GNAI3: variants seen among roughly 807,000 people sequenced by gnomAD.
GNAI3 encodes the protein guanine nucleotide-binding protein G(i) subunit alpha-3.
In GNAI3, 12 loss-of-function variants were observed where a neutral mutation model predicts 41.8. The ratio of observed to expected loss-of-function variants is 0.29; its 90% CI spans 0.18 to 0.47. The LOEUF (loss-of-function observed/expected upper bound fraction) is 0.47. Among genes scored for constraint, GNAI3 ranks in the 20% least tolerant of loss-of-function variants. The pLI, the probability that GNAI3 is intolerant of heterozygous loss-of-function variation, is 1.00. For missense variants in GNAI3, 360 were observed against 429.6 expected (o/e 0.84, Z 1.43); for synonymous variants, 132 against 146.5 (o/e 0.90, Z 0.71).
intron 1 of GNAI3, among the ~76,000 whole-genome samples, chr1:109,554,283 T>C (rs1340825290): frequency 1.3e-5 from 2 of 152,226 alleles, no homozygotes; most frequent in Non-Finnish European, 2.9e-5. Flanking sequence ...AGATATACTT[T>C]TAGTTCTTTA....
At chr1:109,553,687 CTTTTA>C (rs920949026) in intron 1 of GNAI3, among the ~76,000 whole-genome samples, 1 of 152,054 alleles carries the variant, frequency 6.6e-6, no homozygotes, top group Admixed American at 6.5e-5. Flanking sequence ...TTCTTTGTGT[CTTTTA>C]TTTAAATGCA....
In GNAI3 at chr1:109,595,147, G is replaced by T. The variant is rs1321921451; in HGVS notation, c.*2825G>T. ...TTCCTCTGAAGAATGCTGGAGATTT[G>T]TGATGGATAATGTTTCAGAATTCAG... On this transcript the variant is annotated 3_prime_UTR_variant, in exon 9 of 9. Transcript: ENST00000369851. 1 of 152,214 alleles carries T rather than the reference G, an allele frequency of 6.6e-6. No homozygotes were observed. Among genetic ancestry groups the T allele is most frequent in the East Asian group, 1.9e-4 (1 of 5,198 alleles). 9.4% of individuals were successfully genotyped at this position (152,214 alleles called of 1,614,324 possible).
At chr1:109,589,958 CTGTTA>C (rs1649127693) in intron 7 of GNAI3, among the ~76,000 whole-genome samples, 1 of 152,132 alleles carries the variant, frequency 6.6e-6, no homozygotes, top group African/African-American at 2.4e-5. Context: ...GGTTAAATAT[CTGTTA>C]TGTTAATTTT....
rs909852636 is a variant in GNAI3 at position 109,595,476 on chromosome 1, T to G, written c.*3154T>G. 1 of 152,170 alleles carries G rather than the reference T, an allele frequency of 6.6e-6. No individual in the cohort carries two copies. The highest frequency in any genetic ancestry group is 2.4e-5 in the African/African-American group (1 of 41,436). The allele number at this position is 152,170 out of a possible 1,614,324, so 9.4% of individuals were successfully genotyped here. A position where few individuals can be genotyped will look rare whatever the true frequency, so the allele number is the denominator to read the frequency against. On this transcript the variant is annotated 3_prime_UTR_variant, in exon 9 of 9. Coordinates refer to ENST00000369851, the MANE Select transcript of GNAI3 (RefSeq NM_006496.4). ...AATGTAAGACTAGATGGACCAAAAT[T>G]TTAAAAAAAACTTCTTGCCTTGTTT...
intron 1 of GNAI3, among the ~76,000 whole-genome samples, chr1:109,559,699 A>T (rs1348462097): frequency 2.0e-5 from 3 of 152,220 alleles, no homozygotes; most frequent in Non-Finnish European, 4.4e-5. Context: ...GAAATCACTC[A>T]GTATTTGACT....
intron 1 of GNAI3, among the ~76,000 whole-genome samples, chr1:109,562,302 T>G (rs1268531689): frequency 6.6e-6 from 1 of 152,194 alleles, no homozygotes; most frequent in Non-Finnish European, 1.5e-5. Flanking sequence ...GGATTTAAAC[T>G]GTACAGCAGA....
intron 3 of GNAI3, among the ~76,000 whole-genome samples, chr1:109,574,925 A>G (rs545501454): frequency 3.9e-5 from 6 of 152,342 alleles, no homozygotes; most frequent in East Asian, 3.9e-4. Context: ...CTCCCAACTT[A>G]TCAAATGCGA....
intron 4 of GNAI3, among the ~76,000 whole-genome samples, chr1:109,580,155 C>A (rs1483599234): frequency 2.6e-5 from 4 of 152,168 alleles, no homozygotes; most frequent in Admixed American, 2.6e-4. Context: ...GCGCCCGCCA[C>A]CATGCCCGGC....
At chr1:109,573,342 G>A (rs748360062) in intron 1 of GNAI3, among the ~76,000 whole-genome samples, 2 of 152,126 alleles carry the variant, frequency 1.3e-5, no homozygotes, top group African/African-American at 2.4e-5. Flanking sequence ...GGTATAGGCA[G>A]GCAGCAACAG....
At chr1:109,551,201 T>C (rs911970779) in intron 1 of GNAI3, among the ~76,000 whole-genome samples, 3 of 152,228 alleles carry the variant, frequency 2.0e-5, no homozygotes, top group Non-Finnish European at 4.4e-5. Context: ...TTTTAAAATA[T>C]TCTTGAGCAA....
At position 109,548,807 on chromosome 1, in the gene GNAI3, A is replaced by G. The variant is rs1195949191; in HGVS notation, c.87A>G (p.Lys29=). ...IDRNLREDGE[K]AAKEVKLLLL... is the part of the protein sequence containing the mutation. Reference sequence around the variant, plus strand: ...GCAACTTACGGGAGGACGGGGAAAAAGCGGCCAAAGAAGTGAAGCTGCTGC... The same window carrying G: ...GCAACTTACGGGAGGACGGGGAAAAGGCGGCCAAAGAAGTGAAGCTGCTGC... Residue 29 remains lysine, a synonymous_variant, in exon 1 of 9, where the codon AAA becomes AAG. Coordinates refer to ENST00000369851, the MANE Select transcript of GNAI3 (RefSeq NM_006496.4). The G allele has an allele frequency of 2.5e-6, 4 of 1,611,196 alleles. No individual in the cohort carries two copies. In the South Asian group the frequency reaches 3.3e-5, roughly 13 times the overall value.
At chr1:109,552,969 A>G (rs982118153) in intron 1 of GNAI3, among the ~76,000 whole-genome samples, 1 of 152,218 alleles carries the variant, frequency 6.6e-6, no homozygotes, top group Non-Finnish European at 1.5e-5. Context: ...ATTTTTACAT[A>G]TGTAAAGCAG....
Position 109,592,138 on chromosome 1 carries a change from A to C in GNAI3, c.970A>C (p.Thr324Pro). 6.2e-7 allele frequency: 1 copy of C among 1,611,978 alleles called. No homozygotes were observed. Among genetic ancestry groups the C allele is most frequent in the Non-Finnish European group, 8.5e-7 (1 of 1,178,020 alleles). Residue 324 changes from threonine to proline, a missense_variant, in exon 8 of 9, where the codon ACC (threonine) becomes CCC (proline). Transcript: ENST00000369851. ...KDTKEIYTHF[T>P]CATDTKNVQF... Reference sequence around the variant, plus strand: ...TACCAAGGAGATCTATACTCACTTCACCTGTGCCACAGACACGAAGAATGT... The same window carrying C: ...TACCAAGGAGATCTATACTCACTTCCCCTGTGCCACAGACACGAAGAATGT...
At chr1:109,565,819 A>T (rs906570214) in intron 1 of GNAI3, among the ~76,000 whole-genome samples, 1 of 152,178 alleles carries the variant, frequency 6.6e-6, no homozygotes, top group Non-Finnish European at 1.5e-5. Flanking sequence ...AGTGTATGAC[A>T]TTACCCTGTA....
At chr1:109,564,920 C>A (rs1212774808) in intron 1 of GNAI3, among the ~76,000 whole-genome samples, 1 of 152,082 alleles carries the variant, frequency 6.6e-6, no homozygotes, top group African/African-American at 2.4e-5. Context: ...CAAAGAAAAA[C>A]CATTAGCTCT....
intron 1 of GNAI3, among the ~76,000 whole-genome samples, chr1:109,562,900 CATT>C (rs1025435628): frequency 1.2e-4 from 18 of 152,202 alleles, no homozygotes; most frequent in Middle Eastern, 6.8e-3. Context: ...TATAATGAAT[CATT>C]ATTTTTATGG....
rs1649278393 is a variant in GNAI3 at position 109,595,433 on chromosome 1, AAGGTACTAC to A, written c.*3113_*3121del. On this transcript the variant is annotated 3_prime_UTR_variant, in exon 9 of 9. Coordinates refer to ENST00000369851, the MANE Select transcript of GNAI3 (RefSeq NM_006496.4). ...TTACTGATGGATCGTTATTTTTCACAAGGTACTACATTCTTACAATGTAAGACTAGATGG... is the reference window on the plus strand; with the variant it reads ...TTACTGATGGATCGTTATTTTTCACAATTCTTACAATGTAAGACTAGATGG... 1 of 152,218 alleles carries A rather than the reference AAGGTACTAC, an allele frequency of 6.6e-6. No individual in the cohort carries two copies. 9.4% of individuals were successfully genotyped at this position (152,218 alleles called of 1,614,324 possible).
chr1:109,555,965 T>TGCGTGCGTGCGTGC (rs759790449), intron 1 of GNAI3, among the ~76,000 whole-genome samples: 10,555 of 99,146 alleles, frequency 0.11, 449 homozygotes, highest in East Asian at 0.17. Context: ...CGTGCGTGCG[T>TGCGTGCGTGCGTGC]GTGTGTGTGT....
At chr1:109,558,284 G>A (rs571960329) in intron 1 of GNAI3, among the ~76,000 whole-genome samples, 2 of 152,084 alleles carry the variant, frequency 1.3e-5, no homozygotes, top group South Asian at 2.1e-4. Flanking sequence ...TTAGCCAGGC[G>A]TGGTGGTGCA....
Sources: gnomAD v4.1 joint callset for allele counts (sites outside exome capture counted in the v4.1 genomes callset) on GRCh38, gnomAD v4.1.1 for gene constraint, MANE v1.5 for transcripts, NCBI Gene and HGNC (gene_info 2026-07-23, HGNC 2026-07-21) for gene names.